Variants in PSD2 observed in about 807,000 individuals in gnomAD.
PSD2 encodes the protein pleckstrin and Sec7 domain containing 2, also known as PH and SEC7 domain-containing protein 2.
In PSD2, 38 loss-of-function variants were observed where a neutral mutation model predicts 69.8. That is an observed-to-expected ratio of 0.54 (90% CI 0.42 to 0.71). The LOEUF is 0.71. Ranked by LOEUF, PSD2 falls within the 30% of genes least tolerant of loss-of-function variation. The pLI is 0.00. For synonymous variants in PSD2, 412 were observed against 423.0 expected, an observed-to-expected ratio of 0.97 and a Z score of 0.32; for missense variants, 943 against 1,014.5, an observed-to-expected ratio of 0.93 and a Z score of 0.96.
chr5:139,821,553 G>C (rs1321497876), intron 5 of PSD2, among the ~76,000 whole-genome samples: 1 of 152,214 alleles, frequency 6.6e-6, no homozygotes, highest in African/African-American at 2.4e-5. Context: ...CGGCTGTAGG[G>C]GAAGGAGCAA....
At chr5:139,793,130 G>A (rs1434121054), upstream of PSD2, among the ~76,000 whole-genome samples, 2 of 151,924 alleles carry the variant, frequency 1.3e-5, no homozygotes, top group South Asian at 2.1e-4. Context: ...TTAGTAGAGA[G>A]GGGGGTTTCA....
At chr5:139,756,536 T>G in the PSD2 span, among the ~76,000 whole-genome samples, 1 of 152,114 alleles carries the variant, frequency 6.6e-6, no homozygotes, top group African/African-American at 2.4e-5. Flanking sequence ...CAGGGTCCCT[T>G]GGGGGTAGTT....
chr5:139,818,428 C>T (rs1760178921), intron 5 of PSD2, among the ~76,000 whole-genome samples: 1 of 151,972 alleles, frequency 6.6e-6, no homozygotes, highest in Non-Finnish European at 1.5e-5. Flanking sequence ...GGCCTGTAGT[C>T]CCAGTTCCTC....
At position 139,808,985 on chromosome 5, in the gene PSD2, T is replaced by C. The variant is rs578060970; in HGVS notation, c.-50-406T>C. ...CCAGGGTAAGAACACGGGAAGAGGC[T>C]AGGGGACCGGCTGCTGACAGCCTGT... On this transcript the variant is annotated intron_variant, in intron 1 of 14. Transcript: ENST00000274710. Among the ~76,000 whole-genome samples, 158 of 152,268 alleles carry C rather than the reference T, an allele frequency of 1.0e-3. 1 individual carries two copies. Among genetic ancestry groups the C allele is most frequent in the African/African-American group, 3.6e-3 (151 of 41,556 alleles).
At chr5:139,745,020 C>T in the PSD2 span, 1 of 152,682 alleles carries the variant, frequency 6.5e-6, no homozygotes, top group Non-Finnish European at 1.5e-5. Context: ...TGGGGGGTGG[C>T]AGGTGGTGGA....
intron 4 of PSD2, among the ~76,000 whole-genome samples, chr5:139,815,610 G>A (rs1760101363): frequency 6.6e-6 from 1 of 152,050 alleles, no homozygotes. Context: ...TTTGAATCTG[G>A]TGGTTGCTCC....
At chr5:139,764,615 G>A in the PSD2 span, among the ~76,000 whole-genome samples, 1 of 152,164 alleles carries the variant, frequency 6.6e-6, no homozygotes, top group Non-Finnish European at 1.5e-5. Flanking sequence ...CCCTCCCCCG[G>A]CGCCCCGCAG....
Position 139,814,348 on chromosome 5 carries a change from C to A in PSD2, c.1000C>A (p.Arg334=), listed in dbSNP as rs771869390. 18 of 1,601,800 alleles carry A rather than the reference C, an allele frequency of 1.1e-5. No individual in the cohort carries two copies. The South Asian group carries it at 1.8e-4, about 16-fold the overall frequency. Residue 334 remains arginine (R), a synonymous_variant, in exon 4 of 15, where the codon CGG becomes AGG. Transcript: ENST00000274710. The surrounding 1 kb of genome is among the most constrained non-coding windows in gnomAD (Gnocchi z 4.4). ...LEGFQRCDVA[R]QLGKNNEFSR... ...GGGCTTCCAGCGCTGTGATGTGGCC[C>A]GGCAGCTGGGCAAGAAGTGAGTGTG... is the stretch of plus-strand genomic sequence containing the variant.
At chr5:139,803,498 C>T (rs934874491) in intron 1 of PSD2, among the ~76,000 whole-genome samples, 2 of 152,220 alleles carry the variant, frequency 1.3e-5, no homozygotes, top group African/African-American at 2.4e-5. Context: ...CTTGAGAAGA[C>T]AAATGCTCTT....
chr5:139,805,948 A>G (rs1759795320), intron 1 of PSD2, among the ~76,000 whole-genome samples: 2 of 152,196 alleles, frequency 1.3e-5, no homozygotes, highest in African/African-American at 4.8e-5. Flanking sequence ...TCCAGCTGCC[A>G]CAGGGAGAGT....
At chr5:139,822,028 C>T (rs375570346) in intron 6 of PSD2, 23 bp downstream of exon 6, 16 of 1,478,380 alleles carry the variant, frequency 1.1e-5, no homozygotes, top group African/African-American at 1.4e-5. Context: ...GCCCACTCTG[C>T]CTGACCCTCC....
chr5:139,779,772 C>T, the PSD2 span, among the ~76,000 whole-genome samples: 1 of 152,210 alleles, frequency 6.6e-6, no homozygotes, highest in East Asian at 1.9e-4. Flanking sequence ...ATCATCGAAT[C>T]ATGCAGTATC....
intron 1 of PSD2, among the ~76,000 whole-genome samples, chr5:139,806,863 G>A (rs993025388): frequency 6.6e-6 from 1 of 152,090 alleles, no homozygotes; most frequent in Non-Finnish European, 1.5e-5. Flanking sequence ...GGGACTCTGG[G>A]CCCCCCGCCC....
Position 139,809,527 on chromosome 5 carries a change from G to T in PSD2, c.87G>T (p.Gly29=), listed in dbSNP as rs140887296. The T allele has an allele frequency of 1.9e-6, 3 of 1,613,230 alleles. No individual in the cohort carries two copies. The African/African-American group carries it at 4.0e-5, about 21-fold the overall frequency. The part of the protein sequence containing the change: ...DPGPEPEEEP[G]VRNGMASEGL... ...GTCCAGAGCCTGAAGAGGAGCCAGGGGTCCGGAATGGGATGGCCAGTGAGG... is the reference window on the plus strand; with the variant it reads ...GTCCAGAGCCTGAAGAGGAGCCAGGTGTCCGGAATGGGATGGCCAGTGAGG... Residue 29 remains glycine, a synonymous_variant, in exon 2 of 15, where the codon GGG becomes GGT. Coordinates refer to ENST00000274710, the MANE Select transcript of PSD2 (RefSeq NM_032289.4).
At chr5:139,818,099 T>C (rs1760167729) in intron 5 of PSD2, among the ~76,000 whole-genome samples, 1 of 152,134 alleles carries the variant, frequency 6.6e-6, no homozygotes, top group African/African-American at 2.4e-5. Flanking sequence ...TGCAGCCCTG[T>C]AGTATCTAGC....
the PSD2 span, chr5:139,772,669 C>T: frequency 6.6e-6 from 1 of 152,290 alleles, no homozygotes; most frequent in Admixed American, 6.5e-5. Flanking sequence ...GACTCTTGAT[C>T]ATTCCTTGGG....
At chr5:139,771,566 G>A in the PSD2 span, among the ~76,000 whole-genome samples, 21 of 152,162 alleles carry the variant, frequency 1.4e-4, no homozygotes, top group Non-Finnish European at 7.3e-5. Flanking sequence ...TTTTAGTAGA[G>A]ATGGGGTTTC....
chr5:139,806,835 T>G (rs1759820872), intron 1 of PSD2, among the ~76,000 whole-genome samples: 1 of 152,166 alleles, frequency 6.6e-6, no homozygotes. Context: ...TGGGCTCAGC[T>G]GGTCTGCAGC....
chr5:139,798,000 C>T (rs1415368838), intron 1 of PSD2, among the ~76,000 whole-genome samples: 1 of 150,954 alleles, frequency 6.6e-6, no homozygotes, highest in Non-Finnish European at 1.5e-5. Context: ...CCATTCCGGA[C>T]GTTGGCTTGC....
Sources: gnomAD v4.1 joint callset for allele counts (sites outside exome capture counted in the v4.1 genomes callset) on GRCh38, gnomAD v4.1.1 for gene constraint, Gnocchi (gnomAD v3.1) non-coding constraint, MANE v1.5 for transcripts, NCBI Gene and HGNC (gene_info 2026-07-23, HGNC 2026-07-21) for gene names.